SNX8: variants seen among roughly 807,000 people sequenced by gnomAD.
The protein encoded by SNX8 is sorting nexin 8.
Under a neutral mutation model 51.6 loss-of-function variants are expected in SNX8, and 25 were observed. The ratio of observed to expected loss-of-function variants is 0.48; its 90% CI spans 0.35 to 0.68. The LOEUF (loss-of-function observed/expected upper bound fraction) is 0.68. Ranked by LOEUF, SNX8 falls within the 30% of genes least tolerant of loss-of-function variation. The pLI is 0.00. For synonymous variants in SNX8, 324 were observed against 277.0 expected, an observed-to-expected ratio of 1.17 and a Z score of -1.68; for missense variants, 695 against 624.0, an observed-to-expected ratio of 1.11 and a Z score of -1.21.
chr7:2,313,385 G>C (rs893088952), intron 1 of SNX8, among the ~76,000 whole-genome samples: 1 of 151,876 alleles, frequency 6.6e-6, no homozygotes, highest in Non-Finnish European at 1.5e-5. Flanking sequence ...ATTTAGCCGA[G>C]TGTCATGGTG....
chr7:2,335,915 A>G (rs1186160019), intron 1 of SNX8, among the ~76,000 whole-genome samples: 1 of 151,978 alleles, frequency 6.6e-6, no homozygotes, highest in Non-Finnish European at 1.5e-5. Context: ...CAGCCTGGCC[A>G]ACATGGTGAA....
intron 1 of SNX8, among the ~76,000 whole-genome samples, chr7:2,301,877 C>A (rs938039625): frequency 2.0e-5 from 3 of 152,136 alleles, no homozygotes; most frequent in Non-Finnish European, 4.4e-5. Flanking sequence ...GCTAGGACTA[C>A]CTACTTCTCA....
At chr7:2,298,336 A>C (rs1317618751) in intron 1 of SNX8, among the ~76,000 whole-genome samples, 1 of 151,734 alleles carries the variant, frequency 6.6e-6, no homozygotes, top group Non-Finnish European at 1.5e-5. Flanking sequence ...CCAGGCTCTG[A>C]ACTTTTCTTT....
rs1795105783 is a variant in SNX8 at position 2,253,836 on chromosome 7, CCA to C, written c.*1218_*1219del. On this transcript the variant is annotated 3_prime_UTR_variant, in exon 11 of 11. Coordinates refer to ENST00000222990, the MANE Select transcript of SNX8 (RefSeq NM_013321.4). The stretch of plus-strand genomic sequence containing the variant: ...ACCCTCCGTGAGAGGAGTGAACGCC[CCA>C]GAGGCCAGTGAGCATCTGCGGAGCG... 6.6e-6 allele frequency: 1 copy of C among 152,284 alleles called. No individual in the cohort carries two copies. The allele number at this position is 152,284 out of a possible 1,614,324, so 9.4% of individuals were successfully genotyped here.
chr7:2,303,144 G>A (rs1196823128), intron 1 of SNX8, among the ~76,000 whole-genome samples: 7 of 149,054 alleles, frequency 4.7e-5, no homozygotes, highest in East Asian at 4.1e-4. Flanking sequence ...CGCCCCGTCC[G>A]GGAGGTGAGG....
At chr7:2,274,030 G>A (rs893040974) in intron 3 of SNX8, among the ~76,000 whole-genome samples, 15 of 152,226 alleles carry the variant, frequency 9.9e-5, no homozygotes, top group African/African-American at 3.1e-4. Flanking sequence ...TGCGCAAGCG[G>A]CCCAGCGCGC....
chr7:2,275,363 C>T lies in SNX8; in HGVS notation c.301-134G>A, dbSNP rs1795753135. The T allele has an allele frequency of 1.0e-5, 7 of 697,364 alleles. No individual in the cohort carries two copies. The Admixed American group carries it at 1.1e-4, about 11-fold the overall frequency. The allele number at this position is 697,364 out of a possible 1,614,324, so 43.2% of individuals were successfully genotyped here. ...ACCAGGCCTTTACTAAATGGAGAAA[C>T]CCTGTGACGGCTTCGTATATGGAAA... On this transcript the variant is annotated intron_variant, in intron 2 of 10. Coordinates refer to ENST00000222990, the MANE Select transcript of SNX8 (RefSeq NM_013321.4).
intron 1 of SNX8, among the ~76,000 whole-genome samples, chr7:2,348,820 T>C (rs1315896742): frequency 1.3e-5 from 2 of 151,306 alleles, no homozygotes; most frequent in East Asian, 3.9e-4. Flanking sequence ...GGCATAGTGG[T>C]GTGCGCCTGT....
intron 1 of SNX8, among the ~76,000 whole-genome samples, chr7:2,296,485 C>A (rs1796275337): frequency 1.3e-5 from 2 of 151,842 alleles, no homozygotes; most frequent in African/African-American, 4.9e-5. Flanking sequence ...CTAGAGGAGT[C>A]TTGAGGGTGT....
In SNX8 at chr7:2,278,172, G is replaced by A. The variant is rs752160083; in HGVS notation, c.228C>T (p.Thr76=). 1.9e-5 allele frequency: 31 copies of A among 1,613,944 alleles called. No homozygotes were observed. Among genetic ancestry groups the A allele is most frequent in the Admixed American group, 1.7e-4 (10 of 59,996 alleles). Residue 76 remains threonine, a synonymous_variant, in exon 2 of 11, where the codon ACC becomes ACT. Transcript: ENST00000222990. ...HTLQELLARD[T]VQVELIPEKK... The stretch of plus-strand genomic sequence containing the variant: ...TCTCCGGAATGAGCTCCACCTGCAC[G>A]GTGTCCCTGGCCAGCAGCTCCTGCA...
chr7:2,277,734 G>A (rs1795813515), intron 2 of SNX8, among the ~76,000 whole-genome samples: 2 of 152,024 alleles, frequency 1.3e-5, no homozygotes, highest in South Asian at 2.1e-4. Context: ...TTGAACCCGG[G>A]AGGCAGAGTT....
intron 1 of SNX8, among the ~76,000 whole-genome samples, chr7:2,326,392 A>G (rs532407425): frequency 3.3e-5 from 5 of 152,166 alleles, no homozygotes; most frequent in East Asian, 3.9e-4. Flanking sequence ...GGGGCCGGGC[A>G]CGGTGGCTCA....
intron 6 of SNX8, 36 bp downstream of exon 6, chr7:2,264,262 C>T (rs1393906723): frequency 5.1e-6 from 8 of 1,583,850 alleles, no homozygotes; most frequent in East Asian, 2.3e-5. Flanking sequence ...CCCGTCCCAC[C>T]GCGCGTGCCC....
rs373897592 is a variant in SNX8 at position 2,257,549 on chromosome 7, G to A, written c.985-35C>T. On this transcript the variant is annotated intron_variant, in intron 8 of 10. Transcript: ENST00000222990. ...CGGGGGAGGCATTCGCCCGCTGTCT[G>A]GATGCCTGCGCCAGGGCCCTGCGGA... is the stretch of plus-strand genomic sequence containing the variant. 2.5e-6 allele frequency: 4 copies of A among 1,598,172 alleles called. No individual in the cohort carries two copies. In the African/African-American group the frequency reaches 4.0e-5, roughly 16 times the overall value.
intron 1 of SNX8, among the ~76,000 whole-genome samples, chr7:2,295,815 C>T (rs1177575018): frequency 6.6e-6 from 1 of 152,048 alleles, no homozygotes; most frequent in African/African-American, 2.4e-5. Flanking sequence ...ATCCAATTTT[C>T]CTAGCGCCAC....
At chr7:2,264,270 C>G (rs1337462880) in intron 6 of SNX8, 28 bp downstream of exon 6, 2 of 1,596,828 alleles carry the variant, frequency 1.3e-6, no homozygotes, top group Admixed American at 3.4e-5. Flanking sequence ...ACCGCGCGTG[C>G]CCCTGCAGAA....
intron 1 of SNX8, among the ~76,000 whole-genome samples, chr7:2,345,050 T>C (rs961076545): frequency 1.3e-5 from 2 of 152,166 alleles, no homozygotes; most frequent in Middle Eastern, 3.2e-3. Flanking sequence ...AACAACTTGT[T>C]AATGTCTAAT....
Position 2,266,685 on chromosome 7 carries a change from T to C in SNX8, c.622-2227A>G, listed in dbSNP as rs1029765436. ...GTTTTGCTTTTTTTTGTTTTCCTTTTTTGTTTTGTATTTTTATTAGAGATG... is the reference window on the plus strand; with the variant it reads ...GTTTTGCTTTTTTTTGTTTTCCTTTCTTGTTTTGTATTTTTATTAGAGATG... On this transcript the variant is annotated intron_variant, in intron 5 of 10. Coordinates refer to ENST00000222990, the MANE Select transcript of SNX8 (RefSeq NM_013321.4). Among the ~76,000 whole-genome samples, 6 of 152,030 alleles carry C rather than the reference T, an allele frequency of 3.9e-5. No homozygotes were observed. In the East Asian group the frequency reaches 5.8e-4, roughly 15 times the overall value.
At chr7:2,291,463 T>C (rs918165025) in intron 1 of SNX8, among the ~76,000 whole-genome samples, 1 of 152,056 alleles carries the variant, frequency 6.6e-6, no homozygotes, top group Admixed American at 6.6e-5. Flanking sequence ...CTGGCTGTGG[T>C]GGCACATGCC....
Sources: allele counts gnomAD v4.1 joint callset (sites outside exome capture counted in the v4.1 genomes callset), GRCh38; gene constraint gnomAD v4.1.1; transcripts MANE v1.5; gene names NCBI Gene and HGNC (gene_info 2026-07-23, HGNC 2026-07-21).